Variants in PRKN observed in about 807,000 individuals in gnomAD.
PRKN encodes the protein parkin RBR E3 ubiquitin protein ligase.
Under a neutral mutation model 59.5 loss-of-function variants are expected in PRKN, and 56 were observed. The ratio of observed to expected loss-of-function variants is 0.94; its 90% CI spans 0.76 to 1.18. The LOEUF is 1.18. Among genes scored for constraint, PRKN ranks in the 50% most tolerant of loss-of-function variants. PRKN has a pLI of 0.00. For missense variants in PRKN, 657 were observed against 596.4 expected (o/e 1.10, Z -1.06); for synonymous variants, 250 against 222.1 (o/e 1.13, Z -1.12).
intron 7 of PRKN, among the ~76,000 whole-genome samples, chr6:161,583,653 A>G (rs1781424822): frequency 1.3e-5 from 2 of 152,196 alleles, no homozygotes; most frequent in Admixed American, 1.3e-4. Context: ...ATCATCTCCT[A>G]GATAACTCAT....
intron 4 of PRKN, among the ~76,000 whole-genome samples, chr6:162,079,104 G>A (rs958692026): frequency 7.2e-5 from 11 of 151,998 alleles, no homozygotes; most frequent in African/African-American, 2.4e-4. Context: ...CTCAGCACTC[G>A]AGCCTTTTCA....
intron 6 of PRKN, among the ~76,000 whole-genome samples, chr6:161,856,292 G>A (rs142150905): frequency 0.018 from 2,759 of 152,034 alleles, 82 homozygotes; most frequent in East Asian, 0.13. Flanking sequence ...CCCGGGAGGC[G>A]GAGGTTGCAG....
Position 161,428,292 on chromosome 6 carries a change from A to G in PRKN, c.1084-41415T>C, listed in dbSNP as rs888153785. The stretch of plus-strand genomic sequence containing the variant: ...AGCATTTTTCCTTCCATTGACTGCT[A>G]CCTGATATTGAGGAAGGTATAAGGT... On this transcript the variant is annotated intron_variant, in intron 9 of 11. Coordinates refer to ENST00000366898, the MANE Select transcript of PRKN (RefSeq NM_004562.3). This position sits in a 1 kb window ranked among gnomAD's most constrained non-coding sequence, Gnocchi z 4.0. 1.3e-5 allele frequency among the ~76,000 whole-genome samples: 2 copies of G among 152,180 alleles called. No homozygotes were observed. The highest frequency in any genetic ancestry group is 1.5e-5 in the Non-Finnish European group (1 of 68,040).
chr6:161,959,003 T>C (rs561880805), intron 6 of PRKN, among the ~76,000 whole-genome samples: 2 of 152,370 alleles, frequency 1.3e-5, no homozygotes, highest in East Asian at 3.9e-4. Context: ...CACTAAGTGG[T>C]ATCAGTTCCC....
chr6:162,166,047 C>CAAAAAAAAAAAAAAAAAAAAAA (rs10557222), intron 4 of PRKN, among the ~76,000 whole-genome samples: 6 of 80,196 alleles, frequency 7.5e-5, no homozygotes, highest in African/African-American at 3.1e-4. Context: ...GACTCTATCT[C>CAAAAAAAAAAAAAAAAAAAAAA]AAAAAAAAAA....
chr6:161,716,971 C>T (rs1048629554), intron 7 of PRKN, among the ~76,000 whole-genome samples: 1 of 152,128 alleles, frequency 6.6e-6, no homozygotes, highest in Admixed American at 6.5e-5. Context: ...GGCTGGTTAT[C>T]GGAGGGTAAC....
At chr6:162,297,020 C>T (rs755280785) in intron 2 of PRKN, among the ~76,000 whole-genome samples, 1 of 151,998 alleles carries the variant, frequency 6.6e-6, no homozygotes, top group Non-Finnish European at 1.5e-5. Context: ...GCAAAGGGGG[C>T]CAAGAGTTAA....
At chr6:161,602,571 G>A (rs9458315) in intron 7 of PRKN, among the ~76,000 whole-genome samples, 78,631 of 152,046 alleles carry the variant, frequency 0.52, 22,834 homozygotes, top group African/African-American at 0.79. Flanking sequence ...TGAGAGAGAA[G>A]TGTCAAGGTT....
At chr6:162,429,189 G>A (rs747430232) in intron 2 of PRKN, among the ~76,000 whole-genome samples, 1 of 152,152 alleles carries the variant, frequency 6.6e-6, no homozygotes, top group Non-Finnish European at 1.5e-5. Flanking sequence ...AAGCCATCTA[G>A]AACTGGCTGG....
intron 7 of PRKN, among the ~76,000 whole-genome samples, chr6:161,733,783 A>ATATATATATATGTATATATATAT (rs1554298472): frequency 4.6e-5 from 4 of 86,210 alleles, no homozygotes; most frequent in Non-Finnish European, 7.8e-5. Context: ...AAAAAAAAAA[A>ATATATATATATGTATATATATAT]ATATATATAT....
At chr6:161,702,808 C>A (rs1253244707) in intron 7 of PRKN, among the ~76,000 whole-genome samples, 1 of 151,868 alleles carries the variant, frequency 6.6e-6, no homozygotes, top group African/African-American at 2.4e-5. Context: ...TCTTCATGAC[C>A]TGGAGTTAGG....
intron 1 of PRKN, among the ~76,000 whole-genome samples, chr6:162,691,748 A>G (rs1183474816): frequency 6.6e-6 from 1 of 152,222 alleles, no homozygotes; most frequent in African/African-American, 2.4e-5. Context: ...AAAAAGTTCC[A>G]TCAAATAACC....
At chr6:162,575,602 T>C (rs1780525198) in intron 1 of PRKN, among the ~76,000 whole-genome samples, 1 of 152,180 alleles carries the variant, frequency 6.6e-6, no homozygotes, top group South Asian at 2.1e-4. Context: ...CCTCCATGCT[T>C]GCCTCTCTAG....
chr6:162,444,442 T>A (rs972853762), intron 1 of PRKN, among the ~76,000 whole-genome samples: 1 of 151,964 alleles, frequency 6.6e-6, no homozygotes, highest in Non-Finnish European at 1.5e-5. Context: ...CATTCCAGCA[T>A]TTTCTTCATT....
intron 2 of PRKN, among the ~76,000 whole-genome samples, chr6:162,344,680 A>G (rs748438576): frequency 6.6e-6 from 1 of 151,296 alleles, no homozygotes; most frequent in Non-Finnish European, 1.5e-5. Flanking sequence ...AAGCAGCCCC[A>G]CTACTACTAA....
In PRKN at chr6:161,848,387, T is replaced by C. The variant is rs139251116; in HGVS notation, c.735-62479A>G. On this transcript the variant is annotated intron_variant, in intron 6 of 11. Coordinates refer to ENST00000366898, the MANE Select transcript of PRKN (RefSeq NM_004562.3). ...CTTTCTCTACCTTCATGTATTATCA[T>C]ATAATGCATTTTCTTATCATAGGGA... Among the ~76,000 whole-genome samples, 20 of 152,320 alleles carry C rather than the reference T, an allele frequency of 1.3e-4. No homozygotes were observed. The East Asian group carries it at 1.7e-3, about 13-fold the overall frequency.
At chr6:161,830,232 G>A (rs1455919501) in intron 6 of PRKN, among the ~76,000 whole-genome samples, 1 of 151,562 alleles carries the variant, frequency 6.6e-6, no homozygotes, top group Non-Finnish European at 1.5e-5. Flanking sequence ...GTGTGTCGGG[G>A]TTACCTTTGT....
At chr6:161,941,611 G>C (rs1202176693) in intron 6 of PRKN, among the ~76,000 whole-genome samples, 1 of 152,204 alleles carries the variant, frequency 6.6e-6, no homozygotes, top group East Asian at 1.9e-4. Flanking sequence ...AACACAAGCT[G>C]TCTACAGATG....
At chr6:162,028,605 G>A (rs760193056) in intron 5 of PRKN, among the ~76,000 whole-genome samples, 3 of 152,162 alleles carry the variant, frequency 2.0e-5, no homozygotes, top group African/African-American at 4.8e-5. Flanking sequence ...GAGGAGCTAC[G>A]GGCACAAGCA....
Sources: gnomAD v4.1 joint callset for allele counts (sites outside exome capture counted in the v4.1 genomes callset) on GRCh38, gnomAD v4.1.1 for gene constraint, Gnocchi (gnomAD v3.1) non-coding constraint, MANE v1.5 for transcripts, NCBI Gene and HGNC (gene_info 2026-07-23, HGNC 2026-07-21) for gene names.